Variants in TTK observed in about 807,000 individuals in gnomAD.
The protein encoded by TTK is dual specificity protein kinase TTK.
TTK carries 59 observed loss-of-function variants against 117.3 expected under a neutral mutation model. The observed-to-expected ratio is 0.50, with a 90% confidence interval of 0.41 to 0.62. The LOEUF (loss-of-function observed/expected upper bound fraction) is 0.62. Among genes scored for constraint, TTK ranks in the 20% least tolerant of loss-of-function variants. The pLI, the probability that TTK is intolerant of heterozygous loss-of-function variation, is 0.00. For missense variants in TTK, 921 were observed against 989.4 expected (o/e 0.93, Z 0.93); for synonymous variants, 302 against 325.0 (o/e 0.93, Z 0.76).
chr6:80,005,786 T>C, intron 1 of TTK, 56 bp from the exon 2 acceptor site: 1 of 1,581,474 alleles, frequency 6.3e-7, no homozygotes. Context: ...GCTAGTGCAT[T>C]TTTTTCTTTG....
At chr6:80,009,646 TTATC>T (rs1240383906) in intron 4 of TTK, among the ~76,000 whole-genome samples, 2 of 152,024 alleles carry the variant, frequency 1.3e-5, no homozygotes, top group Non-Finnish European at 2.9e-5. Context: ...AAGACGAACT[TTATC>T]TATACCACTT....
Position 80,008,467 on chromosome 6 carries a change from T to A in TTK, c.444T>A (p.Ser148=), listed in dbSNP as rs777853677. ...AGAAATTTGCTTTTGTTCATATATC[T>A]TTTGCACAATTTGAACTGTCACAAG... ...NCKKFAFVHI[S]FAQFELSQGN... Residue 148 remains serine (S), a synonymous_variant, in exon 4 of 22, where the codon TCT becomes TCA. Coordinates refer to ENST00000369798, the MANE Select transcript of TTK (RefSeq NM_003318.5). 1 of 1,611,656 alleles carries A rather than the reference T, an allele frequency of 6.2e-7. No individual in the cohort carries two copies. Among genetic ancestry groups the A allele is most frequent in the South Asian group, 1.1e-5 (1 of 90,686 alleles).
chr6:80,007,937 C>T lies in TTK; in HGVS notation c.268C>T (p.Arg90Cys), dbSNP rs1047423274. 4 of 1,613,314 alleles carry T rather than the reference C, an allele frequency of 2.5e-6. No individual in the cohort carries two copies. Among genetic ancestry groups the T allele is most frequent in the Admixed American group, 3.3e-5 (2 of 59,968 alleles). ...TGCTCTTTTAAATAAATTGATTGGT[C>T]GTTACAGTCAAGCAATTGAAGCGCT... ...SDALLNKLIG[R>C]YSQAIEALPP... Residue 90 changes from arginine to cysteine, a missense_variant, in exon 3 of 22, where the codon CGT (arginine) becomes TGT (cysteine). Physicochemically the swap from Arg to Cys is radical, Grantham distance 180 (BLOSUM62 -3). Transcript: ENST00000369798.
intron 5 of TTK, 142 bp downstream of exon 5, chr6:80,011,099 G>A (rs1767134533): frequency 9.1e-7 from 1 of 1,102,704 alleles, no homozygotes; most frequent in Non-Finnish European, 1.2e-6. Flanking sequence ...AGACTGAGAA[G>A]TAAAAAAGTC....
At chr6:80,036,414 A>T (rs1278889389) in intron 16 of TTK, 61 bp from the exon 17 acceptor site, 1 of 1,532,190 alleles carries the variant, frequency 6.5e-7, no homozygotes, top group African/African-American at 1.4e-5. Flanking sequence ...TAGACTGTGA[A>T]TTTTTTGGTC....
chr6:80,021,647 G>C (rs1352680664), intron 10 of TTK, among the ~76,000 whole-genome samples: 1 of 152,218 alleles, frequency 6.6e-6, no homozygotes, highest in Non-Finnish European at 1.5e-5. Context: ...CAGGAGTGGT[G>C]CAGGTCTGAA....
At chr6:80,020,808 A>G (rs1767439072) in intron 10 of TTK, among the ~76,000 whole-genome samples, 1 of 152,212 alleles carries the variant, frequency 6.6e-6, no homozygotes, top group South Asian at 2.1e-4. Flanking sequence ...GCTGCTTTCT[A>G]GTCTTGCTGG....
chr6:80,022,643 G>A (rs1169722301), intron 11 of TTK, among the ~76,000 whole-genome samples, 171 bp downstream of exon 11: 3 of 152,148 alleles, frequency 2.0e-5, no homozygotes, highest in East Asian at 1.9e-4. Context: ...GCAGTCATAC[G>A]TTCAGTAAGT....
At chr6:80,025,206 A>T (rs774730128) in intron 11 of TTK, among the ~76,000 whole-genome samples, 10 of 152,170 alleles carry the variant, frequency 6.6e-5, no homozygotes, top group Non-Finnish European at 1.3e-4. Flanking sequence ...CTTGTTCATT[A>T]ATCTTATTAC....
At chr6:80,032,470 C>T (rs1307462552) in intron 14 of TTK, among the ~76,000 whole-genome samples, 3 of 152,156 alleles carry the variant, frequency 2.0e-5, no homozygotes, top group Non-Finnish European at 4.4e-5. Context: ...TGACAATTCC[C>T]AAACTTGTAT....
At chr6:80,035,543 A>G (rs1562024763) in intron 16 of TTK, 126 bp downstream of exon 16, 4 of 1,000,182 alleles carry the variant, frequency 4.0e-6, no homozygotes, top group Non-Finnish European at 5.5e-6. Flanking sequence ...CTAAATAATT[A>G]GAAGTTTATT....
At chr6:80,006,047 G>A in intron 2 of TTK, 65 bp downstream of exon 2, 1 of 1,540,652 alleles carries the variant, frequency 6.5e-7, no homozygotes, top group Non-Finnish European at 8.8e-7. Context: ...TAAAGATATA[G>A]TACTAATCAC....
intron 10 of TTK, among the ~76,000 whole-genome samples, chr6:80,018,648 AT>A (rs760042986): frequency 1.7e-4 from 24 of 143,406 alleles, no homozygotes; most frequent in African/African-American, 5.5e-4. Flanking sequence ...AAAAAAAAAA[AT>A]ATAGCTTTTT....
Position 80,032,207 on chromosome 6 carries a change from C to A in TTK, c.1614+648C>A, listed in dbSNP as rs369487811. On this transcript the variant is annotated intron_variant, in intron 14 of 21. Coordinates refer to ENST00000369798, the MANE Select transcript of TTK (RefSeq NM_003318.5). ...AATGACCTCCATTTTTTTGCCAAAT[C>A]TAATTCTTAGCTTAGATTTTGGATT... is the stretch of plus-strand genomic sequence containing the variant. 1.8e-3 allele frequency among the ~76,000 whole-genome samples: 281 copies of A among 152,206 alleles called. 1 individual carries two copies. Among genetic ancestry groups the A allele is most frequent in the African/African-American group, 5.8e-3 (241 of 41,534 alleles).
Position 80,026,482 on chromosome 6 carries a change from AAGC to A in TTK, c.1367_1369del (p.Ser456del). On this transcript the variant is annotated inframe_deletion, in exon 12 of 22. Transcript: ENST00000369798. The stretch of plus-strand genomic sequence containing the variant: ...ACCCAAAATCTATTTGTAAGACACC[AAGC>A]AGCAATACCTTGGATGATTACATGA... The A allele has an allele frequency of 6.2e-7, 1 of 1,613,920 alleles. No individual in the cohort carries two copies.
chr6:80,040,109 A>T (rs1412996101), intron 19 of TTK, 87 bp from the exon 20 acceptor site: 1 of 1,121,438 alleles, frequency 8.9e-7, no homozygotes, highest in East Asian at 2.9e-5. Flanking sequence ...AACTTTTATA[A>T]TATAATGTAA....
chr6:80,011,525 T>C lies in TTK; in HGVS notation c.705T>C (p.Thr235=). Residue 235 remains threonine, a synonymous_variant, in exon 6 of 22, where the codon ACT becomes ACC. Transcript: ENST00000369798. ...ACAGTTGTGATTCCAGAGGACAGAC[T>C]ACTAAAGCCAGGTTTTTATATGGGT... ...RNNSCDSRGQ[T]TKARFLYGEN... is the part of the protein sequence containing the mutation. 6.2e-7 allele frequency: 1 copy of C among 1,603,706 alleles called. No homozygotes were observed. The highest frequency in any genetic ancestry group is 8.5e-7 in the Non-Finnish European group (1 of 1,176,846).
In TTK at chr6:80,042,201, G is replaced by A; in HGVS notation, c.2573G>A (p.Ter858=). 1 of 1,590,578 alleles carries A rather than the reference G, an allele frequency of 6.3e-7. No homozygotes were observed. The highest frequency in any genetic ancestry group is 8.6e-7 in the Non-Finnish European group (1 of 1,165,066). ...KTFEKKRGKK[*] ...TTTGAAAAAAAAAGGGGAAAAAAATGATTTGCAGTTATTCGTAATGTCAGA... is the reference window on the plus strand; with the variant it reads ...TTTGAAAAAAAAAGGGGAAAAAAATAATTTGCAGTTATTCGTAATGTCAGA... The change falls in exon 22 of 22, where the codon TGA becomes TAA. Residue 858 remains the stop codon, a stop_retained_variant. Transcript: ENST00000369798.
In TTK at chr6:80,042,120, C is replaced by T; in HGVS notation, c.2492C>T (p.Thr831Ile). The T allele has an allele frequency of 6.5e-7, 1 of 1,544,272 alleles. No homozygotes were observed. Among genetic ancestry groups the T allele is most frequent in the South Asian group, 1.3e-5 (1 of 77,784 alleles). The change falls in exon 22 of 22, where the codon ACT becomes ATT. Residue 831 changes from threonine (T) to isoleucine (I), a missense_variant and splice_region_variant. Thr to Ile is a moderately conservative substitution (Grantham distance 89). Coordinates refer to ENST00000369798, the MANE Select transcript of TTK (RefSeq NM_003318.5). ...CAGATTTGTGTTTTTTAATTTCAGACTTTATATGAACACTATAGTGGTGGT... is the reference window on the plus strand; with the variant it reads ...CAGATTTGTGTTTTTTAATTTCAGATTTTATATGAACACTATAGTGGTGGT... The part of the protein sequence containing the change: ...SPNSILKAAK[T>I]LYEHYSGGES...
Sources: allele counts gnomAD v4.1 joint callset (sites outside exome capture counted in the v4.1 genomes callset), GRCh38; gene constraint gnomAD v4.1.1; transcripts MANE v1.5; gene names NCBI Gene and HGNC (gene_info 2026-07-23, HGNC 2026-07-21).